The following RDH10 variants were observed in gnomAD, a reference collection of about 807,000 sequenced individuals.
RDH10 encodes the protein retinol dehydrogenase 10, also known as retinol dehydrogenase 10 (all-trans).
RDH10 carries 12 observed loss-of-function variants against 30.2 expected under a neutral mutation model. That is an observed-to-expected ratio of 0.40 (90% CI 0.25 to 0.64). The LOEUF is 0.64. Ranked by LOEUF, RDH10 falls within the 30% of genes least tolerant of loss-of-function variation. The probability of loss-of-function intolerance (pLI) is 0.43; values close to 1 mark genes in which losing one functional copy is unlikely to be tolerated. For synonymous variants in RDH10, 189 were observed against 172.2 expected (o/e 1.10, Z -0.76); for missense variants, 268 against 445.2 (o/e 0.60, Z 3.58).
chr8:73,309,148 C>T (rs778991209), intron 2 of RDH10, among the ~76,000 whole-genome samples: 10 of 152,094 alleles, frequency 6.6e-5, no homozygotes, highest in Admixed American at 2.0e-4. Context: ...TGTCAGACCA[C>T]GCACTCTGGG....
intron 2 of RDH10, among the ~76,000 whole-genome samples, chr8:73,300,129 A>G (rs1034272778): frequency 1.3e-5 from 2 of 151,064 alleles, no homozygotes; most frequent in African/African-American, 4.8e-5. Context: ...TGAATTCTCC[A>G]GCTGTTTTTC....
rs546127159 is a variant in RDH10, at chr8:73,305,064, C to G, written c.525+7635C>G. ...TCTATAGGATATGTCAAAGTGGAAG[C>G]ATTGTGTAGCCTGTGCTAATGCTAA... On this transcript the variant is annotated intron_variant, in intron 2 of 5. Transcript: ENST00000240285. 2.6e-5 allele frequency among the ~76,000 whole-genome samples: 4 copies of G among 152,320 alleles called. No homozygotes were observed. The East Asian group carries it at 7.7e-4, about 29-fold the overall frequency.
chr8:73,319,816 T>C (rs549855772), intron 3 of RDH10, among the ~76,000 whole-genome samples: 1 of 152,320 alleles, frequency 6.6e-6, no homozygotes, highest in Admixed American at 6.5e-5. Context: ...CGGTCAGGTA[T>C]CCTGCATTGT....
intron 2 of RDH10, among the ~76,000 whole-genome samples, chr8:73,305,330 C>A (rs1180059668): frequency 6.6e-6 from 1 of 152,186 alleles, no homozygotes; most frequent in Non-Finnish European, 1.5e-5. Flanking sequence ...CCATGACAAT[C>A]TGAGAAAATT....
intron 2 of RDH10, among the ~76,000 whole-genome samples, chr8:73,310,522 A>G (rs772381472): frequency 1.6e-4 from 25 of 152,346 alleles, no homozygotes; most frequent in Non-Finnish European, 3.5e-4. Context: ...GCTCGCATGC[A>G]TGTGTTTATG....
intron 2 of RDH10, among the ~76,000 whole-genome samples, chr8:73,298,932 A>G (rs1814328112): frequency 6.6e-6 from 1 of 152,200 alleles, no homozygotes; most frequent in South Asian, 2.1e-4. Flanking sequence ...CTCCTGTCTC[A>G]GTCTCCCAAG....
At position 73,295,077 on chromosome 8, in the gene RDH10, G is replaced by A. The variant is rs1814232773; in HGVS notation, c.-213G>A. On this transcript the variant is annotated 5_prime_UTR_variant, in exon 1 of 6. Transcript: ENST00000240285. ...ACTGCCGCGGCGGGCACAGTCCGGG[G>A]CCACAGCGCCGAGCCCGGGCGGGAG... The A allele has an allele frequency of 2.9e-6, 1 of 344,136 alleles. No individual in the cohort carries two copies. The highest frequency in any genetic ancestry group is 1.2e-4 in the South Asian group (1 of 8,010). The allele number at this position is 344,136 out of a possible 1,614,324, so 21.3% of individuals were successfully genotyped here. A position where few individuals can be genotyped will look rare whatever the true frequency, so the allele number is the denominator to read the frequency against.
In RDH10 at chr8:73,323,098, C is replaced by A; in HGVS notation, c.*62C>A. The A allele has an allele frequency of 7.6e-7, 1 of 1,308,030 alleles. No individual in the cohort carries two copies. The highest frequency in any genetic ancestry group is 1.1e-6 in the Non-Finnish European group (1 of 906,468). The allele number at this position is 1,308,030 out of a possible 1,614,324, so 81.0% of individuals were successfully genotyped here. On this transcript the variant is annotated 3_prime_UTR_variant, in exon 6 of 6. Transcript: ENST00000240285. ...ATGATCAAGATGTTTCAGTCCAGTG[C>A]ACATCAGCATTGCTGACATTTTATG...
chr8:73,317,797 G>T (rs143117204), intron 2 of RDH10, among the ~76,000 whole-genome samples: 13 of 152,148 alleles, frequency 8.5e-5, no homozygotes, highest in African/African-American at 2.9e-4. Context: ...ACGTGCGCCT[G>T]TAGTCCCAGC....
chr8:73,325,123 A>G lies in RDH10; in HGVS notation c.*2087A>G, dbSNP rs1305977772. 1 of 152,230 alleles carries G rather than the reference A, an allele frequency of 6.6e-6. No individual in the cohort carries two copies. The highest frequency in any genetic ancestry group is 1.5e-5 in the Non-Finnish European group (1 of 68,040). The allele number at this position is 152,230 out of a possible 1,614,324, so 9.4% of individuals were successfully genotyped here. A position where few individuals can be genotyped will look rare whatever the true frequency, so the allele number is the denominator to read the frequency against. ...CCAGACCCTCCTAGAGAAATCTGTT[A>G]TAATTTAACAACCCACTTATCCACC... On this transcript the variant is annotated 3_prime_UTR_variant, in exon 6 of 6. Transcript: ENST00000240285.
At chr8:73,295,816 C>A in intron 1 of RDH10, 1 of 1,120,204 alleles carries the variant, frequency 8.9e-7, no homozygotes, top group Non-Finnish European at 1.1e-6. Context: ...GGGACCACGG[C>A]GGGGGGAGGG....
chr8:73,309,531 T>C (rs1814525634), intron 2 of RDH10, among the ~76,000 whole-genome samples: 3 of 152,142 alleles, frequency 2.0e-5, no homozygotes, highest in Admixed American at 2.0e-4. Flanking sequence ...AAGGTACTTC[T>C]TAATTTCATG....
At chr8:73,321,821 G>A (rs1368467642) in intron 4 of RDH10, 5 of 456,080 alleles carry the variant, frequency 1.1e-5, no homozygotes, top group African/African-American at 8.0e-5. Flanking sequence ...CATTCTTAAC[G>A]TGTACTGAAC....
rs747926678 is a variant in RDH10, at chr8:73,317,542, C to T, written c.526-1554C>T. On this transcript the variant is annotated intron_variant, in intron 2 of 5. Transcript: ENST00000240285. ...ATACTTCACAAAAATTCATGTGGCA[C>T]CTGTATGAATAATTGGTGGGAGCAC... 5.9e-5 allele frequency among the ~76,000 whole-genome samples: 9 copies of T among 152,058 alleles called. 1 individual carries two copies. The South Asian group carries it at 6.2e-4, about 11-fold the overall frequency.
At chr8:73,304,959 GC>G (rs1419807989) in intron 2 of RDH10, among the ~76,000 whole-genome samples, 2 of 152,166 alleles carry the variant, frequency 1.3e-5, no homozygotes, top group Non-Finnish European at 2.9e-5. Context: ...CTGGAAGGAA[GC>G]AAAGTTGGTA....
intron 2 of RDH10, among the ~76,000 whole-genome samples, chr8:73,304,186 A>C (rs1316639652): frequency 6.6e-6 from 1 of 152,108 alleles, no homozygotes. Flanking sequence ...CATTCTCTTA[A>C]AGCAGCATGT....
At chr8:73,315,561 C>T (rs1563551000) in intron 2 of RDH10, 3 of 454,930 alleles carry the variant, frequency 6.6e-6, no homozygotes, top group Non-Finnish European at 1.3e-5. Context: ...TCTTCTGTCA[C>T]CTACCTTGAT....
chr8:73,299,682 A>C (rs1386433209), intron 2 of RDH10, among the ~76,000 whole-genome samples: 3 of 152,228 alleles, frequency 2.0e-5, no homozygotes. Context: ...AAGTTTAGCC[A>C]TCTTGCCTAC....
At chr8:73,306,899 T>G (rs1484388768) in intron 2 of RDH10, among the ~76,000 whole-genome samples, 2 of 152,258 alleles carry the variant, frequency 1.3e-5, no homozygotes, top group African/African-American at 2.4e-5. Context: ...GTGGTACTTA[T>G]GTAAACACAT....
Sources: gnomAD v4.1 joint callset for allele counts (sites outside exome capture counted in the v4.1 genomes callset) on GRCh38, gnomAD v4.1.1 for gene constraint, MANE v1.5 for transcripts, NCBI Gene and HGNC (gene_info 2026-07-23, HGNC 2026-07-21) for gene names.